The following KLRF1 variants were observed in gnomAD, a reference collection of about 807,000 sequenced individuals.
KLRF1 encodes the protein killer cell lectin-like receptor subfamily F member 1.
Under a neutral mutation model 30.7 loss-of-function variants are expected in KLRF1, and 27 were observed. The observed-to-expected ratio is 0.88, with a 90% CI of 0.65 to 1.21. The LOEUF is 1.21. Ranked by LOEUF, KLRF1 falls within the 50% of genes most tolerant of loss-of-function variation. The pLI, the probability that KLRF1 is intolerant of heterozygous loss-of-function variation, is 0.00. For synonymous variants in KLRF1, 92 were observed against 89.3 expected (o/e 1.03, Z -0.17); for missense variants, 246 against 259.3 (o/e 0.95, Z 0.35).
intron 3 of KLRF1, 43 bp downstream of exon 3, chr12:9,833,495 G>A: frequency 6.5e-7 from 1 of 1,531,638 alleles, no homozygotes; most frequent in East Asian, 2.3e-5. Flanking sequence ...TAATCTTTTG[G>A]ACTCTCTAAA....
upstream of KLRF1, among the ~76,000 whole-genome samples, chr12:9,823,237 CAAAAA>C (rs1785214724): frequency 8.1e-6 from 1 of 123,292 alleles, no homozygotes; most frequent in Admixed American, 8.0e-5. Context: ...AAAAAAAAAA[CAAAAA>C]CTCAAAAACC....
At chr12:9,814,747 G>C in the KLRF1 span, among the ~76,000 whole-genome samples, 13 of 152,316 alleles carry the variant, frequency 8.5e-5, no homozygotes, top group African/African-American at 3.1e-4. Context: ...CTCCTTTGGG[G>C]GCCCGAGGGC....
intron 5 of KLRF1, 137 bp from the exon 6 acceptor site, chr12:9,844,281 C>A: frequency 1.8e-6 from 1 of 547,202 alleles, no homozygotes; most frequent in South Asian, 2.1e-5. Context: ...TTACTGTAAT[C>A]GTTAGTGAAT....
chr12:9,815,715 G>A, the KLRF1 span, among the ~76,000 whole-genome samples: 12 of 152,336 alleles, frequency 7.9e-5, no homozygotes, highest in African/African-American at 2.4e-4. Flanking sequence ...ATACGCTCCT[G>A]TAAATCTCCT....
At chr12:9,832,171 A>T in intron 1 of KLRF1, 145 bp from the exon 2 acceptor site, 2 of 508,332 alleles carry the variant, frequency 3.9e-6, no homozygotes, top group African/African-American at 1.9e-5. Flanking sequence ...ATATTTTTCT[A>T]TTTACTTAGC....
chr12:9,800,692 C>T, the KLRF1 span, among the ~76,000 whole-genome samples: 1 of 151,602 alleles, frequency 6.6e-6, no homozygotes. Flanking sequence ...GATCTTTGGC[C>T]CATTTTTTAA....
At position 9,844,727 on chromosome 12, in the gene KLRF1, C is replaced by T. The variant is rs750924539; in HGVS notation, c.*201C>T. The T allele has an allele frequency of 9.9e-6, 4 of 402,656 alleles. No homozygotes were observed. Among genetic ancestry groups the T allele is most frequent in the South Asian group, 3.3e-5 (1 of 29,892 alleles). 24.9% of individuals were successfully genotyped at this position (402,656 alleles called of 1,614,324 possible). ...TAAAATGTACACTTCAAAATTTTTA[C>T]GTGATAGTATAAACCAATGTGACTT... On this transcript the variant is annotated 3_prime_UTR_variant, in exon 6 of 6. Transcript: ENST00000617889.
intron 3 of KLRF1, among the ~76,000 whole-genome samples, chr12:9,836,667 G>A (rs940037356): frequency 1.3e-5 from 2 of 151,672 alleles, no homozygotes; most frequent in Admixed American, 6.6e-5. Context: ...TTTATCATAC[G>A]TGAAAATTTT....
the KLRF1 span, among the ~76,000 whole-genome samples, chr12:9,814,429 A>G: frequency 3.9e-5 from 6 of 152,122 alleles, no homozygotes; most frequent in African/African-American, 1.2e-4. Context: ...AGCACAACAT[A>G]GGGGATTGGG....
chr12:9,806,834 C>T, the KLRF1 span, among the ~76,000 whole-genome samples: 1 of 152,016 alleles, frequency 6.6e-6, no homozygotes, highest in South Asian at 2.1e-4. Flanking sequence ...GCACATGCCA[C>T]TATGCCTGGC....
chr12:9,828,511 C>A (rs765297057), intron 1 of KLRF1, among the ~76,000 whole-genome samples: 4 of 152,210 alleles, frequency 2.6e-5, no homozygotes, highest in African/African-American at 4.8e-5. Flanking sequence ...ATACACAATG[C>A]AATTCCATCA....
At chr12:9,831,754 A>G (rs1465125132) in intron 1 of KLRF1, among the ~76,000 whole-genome samples, 2 of 152,112 alleles carry the variant, frequency 1.3e-5, no homozygotes, top group African/African-American at 2.4e-5. Context: ...TAAGTCTATG[A>G]AAAATAAAAC....
At chr12:9,809,588 T>G in the KLRF1 span, among the ~76,000 whole-genome samples, 1 of 152,168 alleles carries the variant, frequency 6.6e-6, no homozygotes, top group African/African-American at 2.4e-5. Flanking sequence ...ATATTGATGT[T>G]ACGCTTAGTT....
At chr12:9,824,320 A>G (rs117312461), upstream of KLRF1, among the ~76,000 whole-genome samples, 3,944 of 152,278 alleles carry the variant, frequency 0.026, 69 homozygotes, top group Non-Finnish European at 0.037. Context: ...TTCAACATAC[A>G]CAACTCAATA....
At chr12:9,843,693 T>C (rs1867752246) in intron 5 of KLRF1, among the ~76,000 whole-genome samples, 1 of 152,098 alleles carries the variant, frequency 6.6e-6, no homozygotes, top group African/African-American at 2.4e-5. Context: ...TGCTTGGAGA[T>C]TTTTGTCCAT....
At chr12:9,838,433 G>A (rs1867631701) in intron 3 of KLRF1, among the ~76,000 whole-genome samples, 1 of 152,064 alleles carries the variant, frequency 6.6e-6, no homozygotes, top group African/African-American at 2.4e-5. Flanking sequence ...TTTGCTAAAA[G>A]ATGCTTTCAT....
At chr12:9,824,852 A>G (rs904985407), upstream of KLRF1, among the ~76,000 whole-genome samples, 1 of 152,178 alleles carries the variant, frequency 6.6e-6, no homozygotes, top group African/African-American at 2.4e-5. Context: ...CAAATCAGGA[A>G]TGCAATTCCA....
At chr12:9,819,970 C>T in the KLRF1 span, among the ~76,000 whole-genome samples, 1 of 152,278 alleles carries the variant, frequency 6.6e-6, no homozygotes, top group South Asian at 2.1e-4. Context: ...ACAGCCTTCA[C>T]TGTTGTCACT....
At chr12:9,807,689 T>C in the KLRF1 span, among the ~76,000 whole-genome samples, 1 of 152,134 alleles carries the variant, frequency 6.6e-6, no homozygotes, top group Non-Finnish European at 1.5e-5. Context: ...TTGCTTTCAC[T>C]CTTAAGAATA....
Sources: gnomAD v4.1 joint callset for allele counts (sites outside exome capture counted in the v4.1 genomes callset) on GRCh38, gnomAD v4.1.1 for gene constraint, MANE v1.5 for transcripts, NCBI Gene and HGNC (gene_info 2026-07-23, HGNC 2026-07-21) for gene names.